C1orf115: variants seen among roughly 807,000 people sequenced by gnomAD.
The protein encoded by C1orf115 is required for drug-induced death protein 1.
Under a neutral mutation model 12.5 loss-of-function variants are expected in C1orf115, and 14 were observed. The observed-to-expected ratio is 1.12, with a 90% CI of 0.74 to 1.75. C1orf115 has a LOEUF of 1.75. Ranked by LOEUF, C1orf115 falls within the 40% of genes most tolerant of loss-of-function variation. The probability of loss-of-function intolerance (pLI) is 0.00; values close to 1 mark genes in which losing one functional copy is unlikely to be tolerated. For synonymous variants in C1orf115, 109 were observed against 104.6 expected, an observed-to-expected ratio of 1.04 and a Z score of -0.26; for missense variants, 237 against 220.8, an observed-to-expected ratio of 1.07 and a Z score of -0.46.
At chr1:220,696,032 T>C (rs543640848) in intron 1 of C1orf115, among the ~76,000 whole-genome samples, 141 of 152,286 alleles carry the variant, frequency 9.3e-4, no homozygotes, top group African/African-American at 3.3e-3. Flanking sequence ...CAAGAAAGCA[T>C]TGCCCAAGCC....
rs1273203910 is a variant in C1orf115, at chr1:220,690,451, C to T, written c.49C>T (p.Arg17Cys). 1 of 1,447,954 alleles carries T rather than the reference C, an allele frequency of 6.9e-7. No individual in the cohort carries two copies. Among genetic ancestry groups the T allele is most frequent in the African/African-American group, 1.5e-5 (1 of 66,996 alleles). The allele number at this position is 1,447,954 out of a possible 1,614,324, so 89.7% of individuals were successfully genotyped here. ...AAGCAAGGCGGAGAGCAGCCTCCTG[C>T]GCCGCGGGCCCCGAGGGCGAGGGCG... ...LRSKAESSLL[R>C]RGPRGRGRTE... Residue 17 changes from arginine to cysteine, a missense_variant, in exon 1 of 2, where the codon CGC (arginine) becomes TGC (cysteine). Coordinates refer to ENST00000294889, the MANE Select transcript of C1orf115 (RefSeq NM_024709.5).
intron 1 of C1orf115, among the ~76,000 whole-genome samples, chr1:220,692,847 C>T (rs1670133552): frequency 6.6e-6 from 1 of 152,170 alleles, no homozygotes; most frequent in Admixed American, 6.5e-5. Flanking sequence ...AACAAGATTT[C>T]AGTGGATAGA....
In C1orf115 at chr1:220,696,848, C is replaced by A; in HGVS notation, c.*117C>A. Reference sequence around the variant, plus strand: ...CAGCATATTTGGAAGAGAAAACATGCCTTTCTTTGTTGAATCACATTAGTA... The same window carrying A: ...CAGCATATTTGGAAGAGAAAACATGACTTTCTTTGTTGAATCACATTAGTA... On this transcript the variant is annotated 3_prime_UTR_variant, in exon 2 of 2. Transcript: ENST00000294889. The A allele has an allele frequency of 7.5e-7, 1 of 1,324,768 alleles. No homozygotes were observed. The highest frequency in any genetic ancestry group is 2.4e-5 in the East Asian group (1 of 41,620). The allele number at this position is 1,324,768 out of a possible 1,614,324, so 82.1% of individuals were successfully genotyped here. A position where few individuals can be genotyped will look rare whatever the true frequency, so the allele number is the denominator to read the frequency against.
intron 1 of C1orf115, among the ~76,000 whole-genome samples, chr1:220,694,967 GGAGAACTAAGAAT>G (rs1670169093): frequency 6.6e-6 from 1 of 152,174 alleles, no homozygotes. Flanking sequence ...TTTAGGTAGG[GGAGAACTAAGAAT>G]ATGGAGTCAA....
chr1:220,692,599 A>T (rs749383348), intron 1 of C1orf115, among the ~76,000 whole-genome samples: 1 of 152,208 alleles, frequency 6.6e-6, no homozygotes, highest in East Asian at 1.9e-4. Flanking sequence ...GGATAGGTCA[A>T]CCCATGGAGA....
Position 220,690,379 on chromosome 1 carries a change from C to T in C1orf115, c.-24C>T, listed in dbSNP as rs1180659615. 78 of 1,386,356 alleles carry T rather than the reference C, an allele frequency of 5.6e-5. No homozygotes were observed. Among genetic ancestry groups the T allele is most frequent in the Non-Finnish European group, 6.8e-5 (73 of 1,077,238 alleles). The allele number at this position is 1,386,356 out of a possible 1,614,324, so 85.9% of individuals were successfully genotyped here. A position where few individuals can be genotyped will look rare whatever the true frequency, so the allele number is the denominator to read the frequency against. On this transcript the variant is annotated 5_prime_UTR_variant, in exon 1 of 2. Transcript: ENST00000294889. ...AAGGTTGGTGTCTTTGCGCTCGGAC[C>T]TTCGCCAGAGGGGCCGGGACATCAT...
chr1:220,695,400 C>T (rs1670176124), intron 1 of C1orf115, among the ~76,000 whole-genome samples: 1 of 151,862 alleles, frequency 6.6e-6, no homozygotes, highest in African/African-American at 2.4e-5. Context: ...ACTTTCTCCA[C>T]CGTAACACAG....
chr1:220,695,491 T>TA (rs1670178813), intron 1 of C1orf115, among the ~76,000 whole-genome samples: 1 of 128,694 alleles, frequency 7.8e-6, no homozygotes, highest in Non-Finnish European at 1.6e-5. Flanking sequence ...TGACGATGTC[T>TA]GGGTTTTTTT....
chr1:220,695,494 GTTTT>G (rs10602094), intron 1 of C1orf115, among the ~76,000 whole-genome samples: 37 of 116,388 alleles, frequency 3.2e-4, no homozygotes, highest in Non-Finnish European at 4.0e-4. Context: ...CGATGTCTGG[GTTTT>G]TTTTTTTTTT....
At chr1:220,694,013 G>A (rs1490181212) in intron 1 of C1orf115, among the ~76,000 whole-genome samples, 1 of 151,140 alleles carries the variant, frequency 6.6e-6, no homozygotes, top group Non-Finnish European at 1.5e-5. Context: ...CTGGGAGGTG[G>A]AGGTTGCAGT....
rs1457603847 is a variant in C1orf115, at chr1:220,690,583, C to T, written c.181C>T (p.Pro61Ser). The T allele has an allele frequency of 1.3e-6, 2 of 1,507,974 alleles. No individual in the cohort carries two copies. The highest frequency in any genetic ancestry group is 2.5e-5 in the South Asian group (2 of 79,952). The allele number at this position is 1,507,974 out of a possible 1,614,324, so 93.4% of individuals were successfully genotyped here. Reference sequence around the variant, plus strand: ...GACGAGCGCGGCGGACGAGCGGGGCCCGGGGACCCGGGGCGCGCGGAGGGT... The same window carrying T: ...GACGAGCGCGGCGGACGAGCGGGGCTCGGGGACCCGGGGCGCGCGGAGGGT... ...SGTSAADERG[P>S]GTRGARRVHF... The change falls in exon 1 of 2, where the codon CCG becomes TCG. Residue 61 changes from proline to serine, a missense_variant. Pro to Ser is a moderately conservative substitution (Grantham distance 74, BLOSUM62 -1). Transcript: ENST00000294889.
intron 1 of C1orf115, among the ~76,000 whole-genome samples, chr1:220,695,679 G>A (rs1670184041): frequency 6.6e-6 from 1 of 151,980 alleles, no homozygotes; most frequent in Non-Finnish European, 1.5e-5. Context: ...GTCAGGTGGT[G>A]TTGGAAGTCA....
intron 1 of C1orf115, among the ~76,000 whole-genome samples, chr1:220,695,696 G>A (rs1670184197): frequency 6.6e-6 from 1 of 152,002 alleles, no homozygotes; most frequent in South Asian, 2.1e-4. Flanking sequence ...GTCAAGGTGA[G>A]ATATGTGATT....
At chr1:220,691,967 C>T (rs966497804) in intron 1 of C1orf115, among the ~76,000 whole-genome samples, 1 of 152,214 alleles carries the variant, frequency 6.6e-6, no homozygotes, top group Non-Finnish European at 1.5e-5. Flanking sequence ...AGGCAGTTCA[C>T]TCCTCAGCGG....
intron 1 of C1orf115, among the ~76,000 whole-genome samples, chr1:220,693,403 C>G (rs987471852): frequency 6.6e-6 from 1 of 152,122 alleles, no homozygotes; most frequent in Admixed American, 6.5e-5. Flanking sequence ...TCATTCTGAT[C>G]TTGTTTATAA....
At chr1:220,693,550 C>T (rs1260999316) in intron 1 of C1orf115, among the ~76,000 whole-genome samples, 1 of 152,190 alleles carries the variant, frequency 6.6e-6, no homozygotes, top group Non-Finnish European at 1.5e-5. Context: ...ATCACATACC[C>T]ACACATGCGC....
Position 220,696,593 on chromosome 1 carries a change from CT to C in C1orf115, c.310-15del, listed in dbSNP as rs1227827337. On this transcript the variant is annotated intron_variant, in intron 1 of 1. Transcript: ENST00000294889. ...GCCTACCCTAATCCTTTGCTTTTCT[CT>C]TTTATTCCTAACACTAGAATGTCGG... is the stretch of plus-strand genomic sequence containing the variant. 6.4e-7 allele frequency: 1 copy of C among 1,567,882 alleles called. No individual in the cohort carries two copies. Among genetic ancestry groups the C allele is most frequent in the East Asian group, 2.3e-5 (1 of 43,816 alleles).
At chr1:220,692,764 C>G (rs1030928669) in intron 1 of C1orf115, among the ~76,000 whole-genome samples, 17 of 152,142 alleles carry the variant, frequency 1.1e-4, no homozygotes, top group South Asian at 4.1e-4. Context: ...CTAAATGCCA[C>G]CGGGCTGTAC....
chr1:220,696,499 G>GA, intron 1 of C1orf115, 113 bp from the exon 2 acceptor site: 1 of 1,266,296 alleles, frequency 7.9e-7, no homozygotes. Context: ...AGAGAATCAG[G>GA]AAAAATGATC....
Sources: allele counts gnomAD v4.1 joint callset (sites outside exome capture counted in the v4.1 genomes callset), GRCh38; gene constraint gnomAD v4.1.1; transcripts MANE v1.5; gene names NCBI Gene and HGNC (gene_info 2026-07-23, HGNC 2026-07-21).